The following SCAMP1 variants were observed in gnomAD, a reference collection of about 807,000 sequenced individuals.
The protein encoded by SCAMP1 is secretory carrier membrane protein 1, also known as secretory carrier-associated membrane protein 1.
Under a neutral mutation model 41.8 loss-of-function variants are expected in SCAMP1, and 15 were observed. The observed-to-expected ratio is 0.36, with a 90% confidence interval of 0.24 to 0.55. The LOEUF (loss-of-function observed/expected upper bound fraction) is 0.55, where lower values mean the gene tolerates loss of function less well. Among genes scored for constraint, SCAMP1 ranks in the 20% least tolerant of loss-of-function variants. The pLI is 0.86. For missense variants in SCAMP1, 341 were observed against 412.6 expected (o/e 0.83, Z 1.50); for synonymous variants, 135 against 136.8 (o/e 0.99, Z 0.09).
chr5:78,398,842 G>T (rs964121809), intron 2 of SCAMP1, among the ~76,000 whole-genome samples: 1 of 152,106 alleles, frequency 6.6e-6, no homozygotes, highest in African/African-American at 2.4e-5. Flanking sequence ...ACCGCGCATG[G>T]CCCCAGCGTT....
At chr5:78,384,006 G>A (rs1751276840) in intron 1 of SCAMP1, among the ~76,000 whole-genome samples, 1 of 152,016 alleles carries the variant, frequency 6.6e-6, no homozygotes, top group Non-Finnish European at 1.5e-5. Context: ...CATTGAATTT[G>A]TAGATTGCTT....
chr5:78,360,749 C>T (rs1256460387), intron 1 of SCAMP1, 21 bp downstream of exon 1: 34 of 1,598,692 alleles, frequency 2.1e-5, no homozygotes, highest in Non-Finnish European at 2.8e-5. Flanking sequence ...GCCCCAGCAT[C>T]TCCTGCCGCC....
At chr5:78,451,688 C>A (rs947560043) in intron 7 of SCAMP1, among the ~76,000 whole-genome samples, 1 of 152,172 alleles carries the variant, frequency 6.6e-6, no homozygotes, top group African/African-American at 2.4e-5. Flanking sequence ...GACAGAGTCT[C>A]GCCCTATCAC....
chr5:78,406,158 G>C (rs1560196), intron 2 of SCAMP1, among the ~76,000 whole-genome samples: 28,083 of 152,046 alleles, frequency 0.18, 3,215 homozygotes, highest in Admixed American at 0.34. Flanking sequence ...CAAATTTTAA[G>C]GTGTCTAAGA....
chr5:78,364,936 G>A (rs1028774853), intron 1 of SCAMP1, among the ~76,000 whole-genome samples: 12 of 145,390 alleles, frequency 8.3e-5, no homozygotes, highest in Admixed American at 2.8e-4. Context: ...TAAATGACGA[G>A]TTAATGGGTG....
intron 8 of SCAMP1, among the ~76,000 whole-genome samples, chr5:78,469,910 AAAC>A: frequency 2.3e-5 from 1 of 43,664 alleles, no homozygotes; most frequent in Non-Finnish European, 4.4e-5. Flanking sequence ...AAAAAAAAAA[AAAC>A]AAAAAAAAAA....
Position 78,416,576 on chromosome 5 carries a change from C to T in SCAMP1, c.270C>T (p.Arg90=). 1 of 1,598,614 alleles carries T rather than the reference C, an allele frequency of 6.3e-7. No individual in the cohort carries two copies. The highest frequency in any genetic ancestry group is 2.3e-5 in the East Asian group (1 of 44,326). ...HALAQAELLK[R]QEELERKAAE... ...TGGCCCAAGCTGAACTTCTTAAGCG[C>T]CAGGAAGAACTAGAAAGAAAAGCCG... The change falls in exon 4 of 9, where the codon CGC becomes CGT. Residue 90 remains arginine (R), a synonymous_variant. Transcript: ENST00000621999.
At chr5:78,413,606 C>G (rs4529173) in intron 2 of SCAMP1, among the ~76,000 whole-genome samples, 1 of 151,878 alleles carries the variant, frequency 6.6e-6, no homozygotes, top group Non-Finnish European at 1.5e-5. Context: ...TTAGTAGAGA[C>G]GAGGTTTCAC....
intron 2 of SCAMP1, among the ~76,000 whole-genome samples, chr5:78,413,996 A>G (rs925465483): frequency 7.9e-5 from 11 of 139,960 alleles, no homozygotes; most frequent in Non-Finnish European, 1.3e-4. Flanking sequence ...TTTTGCTTCT[A>G]TTGTTCTTTT....
At chr5:78,386,103 T>TATA (rs1157475897) in intron 1 of SCAMP1, among the ~76,000 whole-genome samples, 3 of 152,182 alleles carry the variant, frequency 2.0e-5, no homozygotes. Context: ...TTCTTAGGTC[T>TATA]AGTAGTACTT....
At position 78,432,232 on chromosome 5, in the gene SCAMP1, T is replaced by G. The variant is rs1435960361; in HGVS notation, c.632+10272T>G. On this transcript the variant is annotated intron_variant, in intron 6 of 8. Coordinates refer to ENST00000621999, the MANE Select transcript of SCAMP1 (RefSeq NM_004866.6). The stretch of plus-strand genomic sequence containing the variant: ...CTTTTAATTTTAAAAGAATTAAATA[T>G]AAGGAAAAATGAATTTTACATTGGC... Among the ~76,000 whole-genome samples the G allele has an allele frequency of 2.0e-5, 3 of 152,200 alleles. No individual in the cohort carries two copies. In the East Asian group the frequency reaches 5.8e-4, roughly 29 times the overall value.
chr5:78,466,419 A>G (rs919435480), intron 8 of SCAMP1, among the ~76,000 whole-genome samples: 11 of 152,224 alleles, frequency 7.2e-5, no homozygotes, highest in African/African-American at 2.7e-4. Context: ...GCTCATCATT[A>G]TAGTTATCTA....
chr5:78,375,407 C>T (rs1751041784), intron 1 of SCAMP1, among the ~76,000 whole-genome samples: 1 of 152,018 alleles, frequency 6.6e-6, no homozygotes, highest in Non-Finnish European at 1.5e-5. Context: ...GTATTCTCAG[C>T]AGTGAAAGAA....
chr5:78,376,192 G>A (rs778173633), intron 1 of SCAMP1, among the ~76,000 whole-genome samples: 7 of 152,042 alleles, frequency 4.6e-5, no homozygotes, highest in Non-Finnish European at 7.4e-5. Flanking sequence ...ATTTCTAGCC[G>A]GCCGACACTT....
intron 8 of SCAMP1, among the ~76,000 whole-genome samples, chr5:78,475,148 T>A (rs886890972): frequency 2.6e-5 from 4 of 152,186 alleles, no homozygotes; most frequent in Admixed American, 1.3e-4. Context: ...AATAAATTAA[T>A]GTATTGTTTC....
chr5:78,473,271 G>C (rs4143070), intron 8 of SCAMP1, among the ~76,000 whole-genome samples: 115,793 of 151,998 alleles, frequency 0.76, 44,758 homozygotes, highest in African/African-American at 0.84. Flanking sequence ...TCAGGGCTGT[G>C]TGGGTTATTT....
intron 8 of SCAMP1, among the ~76,000 whole-genome samples, chr5:78,463,356 C>T (rs1449307836): frequency 6.6e-6 from 1 of 152,216 alleles, no homozygotes; most frequent in Non-Finnish European, 1.5e-5. Context: ...TAAATGTAAT[C>T]GGCTCTTTGT....
intron 2 of SCAMP1, among the ~76,000 whole-genome samples, chr5:78,389,456 G>T (rs1454096661): frequency 6.6e-6 from 1 of 151,970 alleles, no homozygotes; most frequent in African/African-American, 2.4e-5. Flanking sequence ...TTATTGTAGA[G>T]ACAGTGTCTT....
At chr5:78,429,194 G>C (rs1007405612) in intron 6 of SCAMP1, among the ~76,000 whole-genome samples, 3 of 151,864 alleles carry the variant, frequency 2.0e-5, no homozygotes, top group Non-Finnish European at 4.4e-5. Flanking sequence ...AGTGAGAATA[G>C]AAGTAGGAGG....
Sources: gnomAD v4.1 joint callset for allele counts (sites outside exome capture counted in the v4.1 genomes callset) on GRCh38, gnomAD v4.1.1 for gene constraint, MANE v1.5 for transcripts, NCBI Gene and HGNC (gene_info 2026-07-23, HGNC 2026-07-21) for gene names.